The following CSMD1 variants were observed in gnomAD, a reference collection of about 807,000 sequenced individuals.
CSMD1 encodes CUB and sushi domain-containing protein 1.
A neutral mutation model predicts 417.5 loss-of-function variants in CSMD1; 213 were observed. The ratio of observed to expected loss-of-function variants is 0.51; its 90% CI spans 0.46 to 0.57. The LOEUF (loss-of-function observed/expected upper bound fraction) is 0.57, where lower values mean the gene tolerates loss of function less well. CSMD1 is among the 20% of genes least tolerant of loss of function. The pLI is 0.00. For synonymous variants in CSMD1, 2,862 were observed against 1,736.8 expected (o/e 1.65, Z -16.11); for missense variants, 6,923 against 4,529.7 (o/e 1.53, Z -15.17).
intron 2 of CSMD1, among the ~76,000 whole-genome samples, chr8:4,560,599 C>T (rs1563287297): frequency 6.6e-6 from 1 of 152,182 alleles, no homozygotes; most frequent in Non-Finnish European, 1.5e-5. Flanking sequence ...GCAGAGCCTC[C>T]CTGAAAGCCT....
At chr8:3,539,042 C>T (rs1798326937) in intron 10 of CSMD1, among the ~76,000 whole-genome samples, 1 of 152,176 alleles carries the variant, frequency 6.6e-6, no homozygotes, top group Non-Finnish European at 1.5e-5. Flanking sequence ...CTGAAACACC[C>T]AGAGATGGCC....
intron 5 of CSMD1, among the ~76,000 whole-genome samples, chr8:3,797,393 A>G (rs1296165527): frequency 1.3e-5 from 2 of 151,976 alleles, no homozygotes; most frequent in South Asian, 2.1e-4. Context: ...AAACATTTTC[A>G]TCAATATGGA....
At chr8:3,115,803 A>G (rs1816829991) in intron 42 of CSMD1, among the ~76,000 whole-genome samples, 1 of 152,200 alleles carries the variant, frequency 6.6e-6, no homozygotes, top group South Asian at 2.1e-4. Flanking sequence ...TTAATTATCT[A>G]AACTGGCCAA....
intron 2 of CSMD1, among the ~76,000 whole-genome samples, chr8:4,596,478 T>C (rs796872053): frequency 3.9e-5 from 6 of 152,284 alleles, no homozygotes; most frequent in African/African-American, 1.2e-4. Context: ...ATAGACATAA[T>C]ACTTAAAATT....
chr8:3,300,875 C>G (rs1282476230), intron 25 of CSMD1, among the ~76,000 whole-genome samples: 4 of 139,130 alleles, frequency 2.9e-5, no homozygotes, highest in Non-Finnish European at 4.6e-5. Flanking sequence ...AGGAGAATTG[C>G]TTGAACCCAG....
chr8:4,157,690 C>T (rs899033555), intron 3 of CSMD1, among the ~76,000 whole-genome samples: 10 of 152,210 alleles, frequency 6.6e-5, no homozygotes, highest in East Asian at 1.9e-4. Context: ...CACGCCCAAC[C>T]GGCCTTGGGT....
intron 1 of CSMD1, among the ~76,000 whole-genome samples, chr8:4,701,215 T>G (rs563429054): frequency 6.6e-6 from 1 of 152,054 alleles, no homozygotes; most frequent in Non-Finnish European, 1.5e-5. Context: ...GACTGTTCTT[T>G]GCTCAGAGCT....
intron 5 of CSMD1, among the ~76,000 whole-genome samples, chr8:3,972,384 A>G (rs1813148854): frequency 6.6e-6 from 1 of 152,196 alleles, no homozygotes; most frequent in Admixed American, 6.5e-5. Flanking sequence ...TTTTCTTTAT[A>G]CAAACACAAG....
chr8:4,120,137 G>A (rs578025549), intron 3 of CSMD1, among the ~76,000 whole-genome samples: 5 of 152,186 alleles, frequency 3.3e-5, no homozygotes, highest in African/African-American at 9.6e-5. Flanking sequence ...ACTACACATC[G>A]CATGCCTGTA....
chr8:3,186,017 CTTTT>C (rs904466431), intron 36 of CSMD1, among the ~76,000 whole-genome samples: 2 of 150,698 alleles, frequency 1.3e-5, no homozygotes, highest in Non-Finnish European at 1.5e-5. Flanking sequence ...TCCCAGGTAG[CTTTT>C]TTTTCTCTTA....
At chr8:4,154,751 T>A (rs144327549) in intron 3 of CSMD1, among the ~76,000 whole-genome samples, 91 of 152,218 alleles carry the variant, frequency 6.0e-4, no homozygotes, top group Admixed American at 1.2e-3. Flanking sequence ...AAGGCTAATA[T>A]CCCCGTAAGA....
chr8:4,414,293 A>C (rs1796807701), intron 3 of CSMD1, among the ~76,000 whole-genome samples: 1 of 152,212 alleles, frequency 6.6e-6, no homozygotes, highest in East Asian at 1.9e-4. Flanking sequence ...TGGTAAGAGG[A>C]AGCCCCGCCC....
chr8:4,045,150 C>T (rs543333622), intron 3 of CSMD1, among the ~76,000 whole-genome samples: 1 of 152,280 alleles, frequency 6.6e-6, no homozygotes, highest in South Asian at 2.1e-4. Flanking sequence ...CCTGCAGCGG[C>T]CACGCAGTCG....
intron 2 of CSMD1, among the ~76,000 whole-genome samples, chr8:4,432,595 T>G (rs1386509494): frequency 1.3e-5 from 2 of 152,052 alleles, no homozygotes; most frequent in Non-Finnish European, 2.9e-5. Context: ...GCTCACTCCT[T>G]TTGCAGGTGA....
chr8:4,325,089 G>A (rs1002680552), intron 3 of CSMD1, among the ~76,000 whole-genome samples: 1 of 152,244 alleles, frequency 6.6e-6, no homozygotes, highest in Admixed American at 6.5e-5. Context: ...GGAAAAATCA[G>A]ACATCAGTAA....
In CSMD1 at chr8:3,517,420, G is replaced by C. The variant is rs554164393; in HGVS notation, c.1345-23694C>G. On this transcript the variant is annotated intron_variant, in intron 10 of 69. Transcript: ENST00000635120. The stretch of plus-strand genomic sequence containing the variant: ...AATCCTTAGTATCCAAGCAAAGAGA[G>C]TCCTCTACACTCCAACCTATGCATT... Among the ~76,000 whole-genome samples, 36 of 152,210 alleles carry C rather than the reference G, an allele frequency of 2.4e-4. 1 individual carries two copies. Among genetic ancestry groups the C allele is most frequent in the African/African-American group, 8.4e-4 (35 of 41,548 alleles).
At chr8:4,494,891 C>G (rs1324227026) in intron 2 of CSMD1, among the ~76,000 whole-genome samples, 5 of 151,864 alleles carry the variant, frequency 3.3e-5, no homozygotes, top group African/African-American at 7.3e-5. Flanking sequence ...GCTTAAAATT[C>G]TCATTGTTAG....
In CSMD1 at chr8:3,536,103, A is replaced by G. The variant is rs529587268; in HGVS notation, c.1344+38842T>C. Among the ~76,000 whole-genome samples the G allele has an allele frequency of 3.3e-4, 51 of 152,296 alleles. 1 individual carries two copies. The highest frequency in any genetic ancestry group is 2.8e-3 in the Admixed American group (43 of 15,300). ...TGTCCCCAAGTAGCTGATAAATATTATCATTGTTTTTATGATACCAAGCTG... is the reference window on the plus strand; with the variant it reads ...TGTCCCCAAGTAGCTGATAAATATTGTCATTGTTTTTATGATACCAAGCTG... On this transcript the variant is annotated intron_variant, in intron 10 of 69. Coordinates refer to ENST00000635120, the MANE Select transcript of CSMD1 (RefSeq NM_033225.6).
rs1038721220 is a variant in CSMD1 at position 4,720,112 on chromosome 8, GTGGTT to G, written c.86-82559_86-82555del. ...TATGTAAAATACCACCTCTTAATCT[GTGGTT>G]TGGAGTTTTTGTATTTTTGCTTCAC... On this transcript the variant is annotated intron_variant, in intron 1 of 69. Transcript: ENST00000635120. Among the ~76,000 whole-genome samples, 555 of 151,584 alleles carry G rather than the reference GTGGTT, an allele frequency of 3.7e-3. 2 individuals are homozygous for G. The highest frequency in any genetic ancestry group is 0.012 in the African/African-American group (491 of 41,388).
Sources: allele counts gnomAD v4.1 joint callset (sites outside exome capture counted in the v4.1 genomes callset), GRCh38; gene constraint gnomAD v4.1.1; transcripts MANE v1.5; gene names NCBI Gene and HGNC (gene_info 2026-07-23, HGNC 2026-07-21).